The following CALN1 variants were observed in gnomAD, a reference collection of about 807,000 sequenced individuals.
CALN1 encodes calcium-binding protein 8.
Under a neutral mutation model 30.6 loss-of-function variants are expected in CALN1, and 17 were observed. That is an observed-to-expected ratio of 0.56 (90% CI 0.38 to 0.83). The LOEUF (loss-of-function observed/expected upper bound fraction) is 0.83, where lower values mean the gene tolerates loss of function less well. CALN1 is among the 40% of genes least tolerant of loss of function. CALN1 has a pLI of 0.00. For synonymous variants in CALN1, 156 were observed against 131.4 expected, an observed-to-expected ratio of 1.19 and a Z score of -1.28; for missense variants, 291 against 354.9, an observed-to-expected ratio of 0.82 and a Z score of 1.45.
intron 2 of CALN1, among the ~76,000 whole-genome samples, chr7:72,332,676 G>A (rs1321833817): frequency 1.3e-5 from 2 of 151,964 alleles, no homozygotes; most frequent in Non-Finnish European, 2.9e-5. Context: ...GGTTCTTCAG[G>A]GATGTTCTTA....
At chr7:72,195,429 G>A (rs968537180) in intron 3 of CALN1, among the ~76,000 whole-genome samples, 23 of 152,204 alleles carry the variant, frequency 1.5e-4, no homozygotes, top group African/African-American at 5.5e-4. Context: ...CCCGGCTGGA[G>A]TGCGGTGATG....
chr7:72,262,586 T>C (rs1340404574), intron 3 of CALN1, among the ~76,000 whole-genome samples: 2 of 152,220 alleles, frequency 1.3e-5, no homozygotes, highest in African/African-American at 2.4e-5. Flanking sequence ...GTCTCACTTA[T>C]AAGTGAAAAG....
chr7:72,390,120 C>T (rs1805483483), intron 2 of CALN1, among the ~76,000 whole-genome samples: 1 of 151,914 alleles, frequency 6.6e-6, no homozygotes, highest in Non-Finnish European at 1.5e-5. Flanking sequence ...AAAAAAGAAG[C>T]ACTGGCTCTA....
chr7:72,291,373 G>T (rs1332811276), intron 2 of CALN1, among the ~76,000 whole-genome samples: 3 of 152,148 alleles, frequency 2.0e-5, no homozygotes, highest in Non-Finnish European at 2.9e-5. Context: ...GTTGAGGGGA[G>T]GAACCCCAGC....
chr7:72,285,921 T>C (rs1798052237), intron 2 of CALN1, among the ~76,000 whole-genome samples: 1 of 152,186 alleles, frequency 6.6e-6, no homozygotes, highest in South Asian at 2.1e-4. Flanking sequence ...TGATCTTGCA[T>C]GCTAAAGGTT....
intron 6 of CALN1, among the ~76,000 whole-genome samples, chr7:71,794,312 C>T (rs1330193348): frequency 6.6e-6 from 1 of 152,222 alleles, no homozygotes; most frequent in Admixed American, 6.5e-5. Flanking sequence ...GTGGACAGAA[C>T]TGCGACCTGG....
At chr7:72,229,025 GAA>G (rs1793892173) in intron 3 of CALN1, among the ~76,000 whole-genome samples, 1 of 150,986 alleles carries the variant, frequency 6.6e-6, no homozygotes, top group African/African-American at 2.4e-5. Flanking sequence ...TGATCCTCCT[GAA>G]GTGCTAGAAT....
intron 4 of CALN1, among the ~76,000 whole-genome samples, chr7:72,057,112 TAA>T (rs11323098): frequency 7.9e-6 from 1 of 127,042 alleles, no homozygotes; most frequent in Non-Finnish European, 1.7e-5. Context: ...ACCTGTTTTT[TAA>T]AAAAAAAAAG....
At chr7:72,137,009 T>C (rs1809557501) in intron 3 of CALN1, among the ~76,000 whole-genome samples, 1 of 151,860 alleles carries the variant, frequency 6.6e-6, no homozygotes, top group African/African-American at 2.4e-5. Context: ...TAAGGACAGG[T>C]TTATTTTAGA....
At chr7:72,177,755 A>AG (rs1325986580) in intron 3 of CALN1, among the ~76,000 whole-genome samples, 1 of 149,408 alleles carries the variant, frequency 6.7e-6, no homozygotes, top group Admixed American at 6.7e-5. Context: ...ACAGAGGGAA[A>AG]AAAAAAAAAA....
chr7:71,820,383 T>C (rs933621601), intron 5 of CALN1, among the ~76,000 whole-genome samples: 2 of 152,196 alleles, frequency 1.3e-5, no homozygotes, highest in African/African-American at 4.8e-5. Flanking sequence ...AACTCAGGTG[T>C]AGGCTGACCA....
chr7:71,899,137 A>C (rs1443313703), intron 5 of CALN1, among the ~76,000 whole-genome samples: 1 of 148,848 alleles, frequency 6.7e-6, no homozygotes, highest in Non-Finnish European at 1.5e-5. Context: ...AGGCCCCTGC[A>C]GAGACATCTT....
At chr7:72,499,773 CT>C in the CALN1 span, among the ~76,000 whole-genome samples, 1 of 128,928 alleles carries the variant, frequency 7.8e-6, no homozygotes, top group Non-Finnish European at 1.6e-5. Flanking sequence ...AACTTTCTTT[CT>C]TTCCTTCCTT....
At chr7:72,416,463 G>A (rs559308453), upstream of CALN1, among the ~76,000 whole-genome samples, 12 of 152,238 alleles carry the variant, frequency 7.9e-5, no homozygotes, top group African/African-American at 2.2e-4. Context: ...GGCTGGGCAC[G>A]GTGGCTCACG....
At chr7:72,417,492 G>A (rs919140588) in intron 1 of CALN1, among the ~76,000 whole-genome samples, 4 of 152,198 alleles carry the variant, frequency 2.6e-5, no homozygotes, top group East Asian at 3.8e-4. Context: ...TTCTGTCCCC[G>A]CTACCGTGGG....
chr7:72,482,396 A>G, the CALN1 span, among the ~76,000 whole-genome samples: 1 of 152,112 alleles, frequency 6.6e-6, no homozygotes, highest in Non-Finnish European at 1.5e-5. Flanking sequence ...GCCTATCATG[A>G]TAATATTTGT....
intron 5 of CALN1, among the ~76,000 whole-genome samples, chr7:71,839,379 A>G (rs1356983260): frequency 6.6e-6 from 1 of 152,148 alleles, no homozygotes; most frequent in African/African-American, 2.4e-5. Context: ...TATAAATACA[A>G]AAAGTAGCTC....
In CALN1 at chr7:72,055,435, T is replaced by C. The variant is rs144351905; in HGVS notation, c.389-31666A>G. On this transcript the variant is annotated intron_variant, in intron 4 of 6. Coordinates refer to ENST00000395275, the MANE Select transcript of CALN1 (RefSeq NM_031468.4). ...ATAAATATGGTAATAGGGGTAATGA[T>C]AGAATTAGGGGAAAGGCAGAATTAG... 5.5e-3 allele frequency among the ~76,000 whole-genome samples: 840 copies of C among 152,162 alleles called. 4 individuals carry two copies. The highest frequency in any genetic ancestry group is 0.018 in the African/African-American group (753 of 41,512).
chr7:72,302,893 CAAAAAAAAAAAAAAAA>C (rs71069055), intron 2 of CALN1, among the ~76,000 whole-genome samples: 3 of 48,750 alleles, frequency 6.2e-5, no homozygotes, highest in Non-Finnish European at 7.3e-5. Flanking sequence ...GTGAGGGTCT[CAAAAAAAAAAAAAAAA>C]AAAAAAAACG....
Sources: allele counts gnomAD v4.1 joint callset (sites outside exome capture counted in the v4.1 genomes callset), GRCh38; gene constraint gnomAD v4.1.1; transcripts MANE v1.5; gene names NCBI Gene and HGNC (gene_info 2026-07-23, HGNC 2026-07-21).